The following SSBP2 variants were observed in gnomAD, a reference collection of about 807,000 sequenced individuals.
SSBP2 encodes the protein single-stranded DNA-binding protein 2.
A neutral mutation model predicts 61.8 loss-of-function variants in SSBP2; 17 were observed. That is an observed-to-expected ratio of 0.28 (90% confidence interval 0.19 to 0.41). The LOEUF is 0.41. SSBP2 is among the 10% of genes least tolerant of loss of function. The pLI, the probability that SSBP2 is intolerant of heterozygous loss-of-function variation, is 1.00. For missense variants in SSBP2, 310 were observed against 458.7 expected, an observed-to-expected ratio of 0.68 and a Z score of 2.96; for synonymous variants, 139 against 141.3, an observed-to-expected ratio of 0.98 and a Z score of 0.12.
At chr5:81,750,680 G>T in intron 1 of SSBP2, 1 of 344,346 alleles carries the variant, frequency 2.9e-6, no homozygotes, top group Non-Finnish European at 5.3e-6. Context: ...GTGAACCCGC[G>T]GGTTATTTCC....
chr5:81,564,151 C>T (rs1473087258), intron 4 of SSBP2, among the ~76,000 whole-genome samples: 1 of 152,166 alleles, frequency 6.6e-6, no homozygotes, highest in Non-Finnish European at 1.5e-5. Flanking sequence ...AAAAAAGATA[C>T]TAACATCACT....
chr5:81,641,354 A>C (rs1748767406), intron 2 of SSBP2, among the ~76,000 whole-genome samples: 2 of 152,218 alleles, frequency 1.3e-5, no homozygotes, highest in Non-Finnish European at 2.9e-5. Context: ...CAGAGAAACT[A>C]AAAAAGCATC....
intron 1 of SSBP2, among the ~76,000 whole-genome samples, chr5:81,717,951 T>C (rs139330293): frequency 1.3e-5 from 2 of 152,268 alleles, no homozygotes; most frequent in East Asian, 3.9e-4. Flanking sequence ...ACAAATGTTG[T>C]CAATATACAG....
chr5:81,716,672 A>C (rs1281662396), intron 1 of SSBP2, among the ~76,000 whole-genome samples: 1 of 152,020 alleles, frequency 6.6e-6, no homozygotes, highest in African/African-American at 2.4e-5. Flanking sequence ...ACTCCTTAAT[A>C]CTCCATTTTA....
At chr5:81,636,242 T>C (rs1184883206) in intron 3 of SSBP2, among the ~76,000 whole-genome samples, 1 of 152,184 alleles carries the variant, frequency 6.6e-6, no homozygotes, top group Non-Finnish European at 1.5e-5. Context: ...GCCTCTAGAA[T>C]TGTGAAAAGT....
intron 1 of SSBP2, among the ~76,000 whole-genome samples, chr5:81,713,460 A>G (rs534633735): frequency 2.0e-5 from 3 of 152,304 alleles, no homozygotes; most frequent in Non-Finnish European, 1.5e-5. Context: ...AAAGAAAAGA[A>G]TAAAGAAAAA....
rs186099051 is a variant in SSBP2 at position 81,424,151 on chromosome 5, C to G, written c.1057-3618G>C. On this transcript the variant is annotated intron_variant, in intron 16 of 16. Coordinates refer to ENST00000320672, the MANE Select transcript of SSBP2 (RefSeq NM_012446.5). Reference sequence around the variant, plus strand: ...TCAGAAAAAAGAGCAACTGGCCGGGCATGGTGGGTCACGCCTGTAATCTCA... The same window carrying G: ...TCAGAAAAAAGAGCAACTGGCCGGGGATGGTGGGTCACGCCTGTAATCTCA... Among the ~76,000 whole-genome samples, 36 of 152,184 alleles carry G rather than the reference C, an allele frequency of 2.4e-4. No individual in the cohort carries two copies. The East Asian group carries it at 6.4e-3, about 27-fold the overall frequency.
At chr5:81,444,490 C>T (rs973738758) in intron 12 of SSBP2, among the ~76,000 whole-genome samples, 6 of 152,150 alleles carry the variant, frequency 3.9e-5, no homozygotes, top group Admixed American at 6.5e-5. Context: ...CTGCTTTATT[C>T]GTTCCTCCTG....
At chr5:81,708,152 A>T (rs1042116618) in intron 1 of SSBP2, among the ~76,000 whole-genome samples, 1 of 152,148 alleles carries the variant, frequency 6.6e-6, no homozygotes, top group African/African-American at 2.4e-5. Context: ...AATTCAGCCA[A>T]TACTTTATAT....
At position 81,677,222 on chromosome 5, in the gene SSBP2, CAT is replaced by C. The variant is rs1344086504; in HGVS notation, c.63-26885_63-26884del. 2.0e-5 allele frequency among the ~76,000 whole-genome samples: 3 copies of C among 152,224 alleles called. No homozygotes were observed. In the East Asian group the frequency reaches 5.8e-4, roughly 29 times the overall value. ...ATTGGACATCCAGTTTCTAGTCCAGCATATAAGAAGCTTAGAAATCACCAATC... is the reference window on the plus strand; with the variant it reads ...ATTGGACATCCAGTTTCTAGTCCAGCATAAGAAGCTTAGAAATCACCAATC... On this transcript the variant is annotated intron_variant, in intron 1 of 16. Transcript: ENST00000320672.
In SSBP2 at chr5:81,452,880, C is replaced by T. The variant is rs114346888; in HGVS notation, c.688-4055G>A. On this transcript the variant is annotated intron_variant, in intron 10 of 16. Transcript: ENST00000320672. ...CAACTGAATAAACTTCTACTTTGTG[C>T]TGGACAAGATACTTGATCTAGGATT... Among the ~76,000 whole-genome samples the T allele has an allele frequency of 5.8e-3, 871 of 151,116 alleles. 6 individuals are homozygous for T. Among genetic ancestry groups the T allele is most frequent in the African/African-American group, 0.02 (813 of 41,090 alleles).
chr5:81,559,902 C>A (rs1002764648), intron 4 of SSBP2, among the ~76,000 whole-genome samples: 1 of 151,866 alleles, frequency 6.6e-6, no homozygotes, highest in Admixed American at 6.6e-5. Context: ...TTTATTTGTC[C>A]ATAAGTAATC....
intron 2 of SSBP2, among the ~76,000 whole-genome samples, chr5:81,645,260 G>C (rs1299498972): frequency 6.6e-6 from 1 of 152,146 alleles, no homozygotes; most frequent in East Asian, 1.9e-4. Context: ...AAGTTCGAGA[G>C]ACTGGTTAGG....
chr5:81,699,563 T>C (rs1250107854), intron 1 of SSBP2, among the ~76,000 whole-genome samples: 1 of 152,214 alleles, frequency 6.6e-6, no homozygotes, highest in Non-Finnish European at 1.5e-5. Flanking sequence ...TTGCAGCAAT[T>C]CAGTCACATC....
intron 1 of SSBP2, among the ~76,000 whole-genome samples, chr5:81,712,939 G>C (rs2153942661): frequency 6.6e-6 from 1 of 151,732 alleles, no homozygotes; most frequent in East Asian, 1.9e-4. Context: ...GCTTGTACAG[G>C]CTGATCCTGA....
intron 10 of SSBP2, among the ~76,000 whole-genome samples, chr5:81,458,514 G>C (rs1258419449): frequency 6.6e-6 from 1 of 152,194 alleles, no homozygotes; most frequent in East Asian, 1.9e-4. Context: ...TAGTATTCTT[G>C]CAATGTTTAA....
At chr5:81,664,474 A>G (rs1158209187) in intron 1 of SSBP2, among the ~76,000 whole-genome samples, 9 of 152,134 alleles carry the variant, frequency 5.9e-5, no homozygotes, top group Non-Finnish European at 1.2e-4. Context: ...AATAGTAGGT[A>G]ACTAATAAAT....
At chr5:81,520,471 T>A (rs1182344176) in intron 4 of SSBP2, among the ~76,000 whole-genome samples, 18 of 152,108 alleles carry the variant, frequency 1.2e-4, no homozygotes, top group Non-Finnish European at 2.9e-5. Flanking sequence ...TTCAATGATT[T>A]ACGAAAAAAA....
chr5:81,652,727 C>T (rs942117349), intron 1 of SSBP2, among the ~76,000 whole-genome samples: 1 of 151,918 alleles, frequency 6.6e-6, no homozygotes, highest in African/African-American at 2.4e-5. Context: ...GCCATGATGA[C>T]TCCATAATAC....
Sources: gnomAD v4.1 joint callset for allele counts (sites outside exome capture counted in the v4.1 genomes callset) on GRCh38, gnomAD v4.1.1 for gene constraint, MANE v1.5 for transcripts, NCBI Gene and HGNC (gene_info 2026-07-23, HGNC 2026-07-21) for gene names.